The following KDM5B variants were observed in gnomAD, a reference collection of about 807,000 sequenced individuals.
The protein encoded by KDM5B is lysine demethylase 5B.
KDM5B carries 144 observed loss-of-function variants against 193.4 expected under a neutral mutation model. The observed-to-expected ratio is 0.74, with a 90% CI of 0.65 to 0.86. The LOEUF (loss-of-function observed/expected upper bound fraction) is 0.86, where lower values mean the gene tolerates loss of function less well. Among genes scored for constraint, KDM5B ranks in the 40% least tolerant of loss-of-function variants. KDM5B has a pLI of 0.00. For synonymous variants in KDM5B, 668 were observed against 682.6 expected, an observed-to-expected ratio of 0.98 and a Z score of 0.33; for missense variants, 1,833 against 1,886.9, an observed-to-expected ratio of 0.97 and a Z score of 0.53.
At chr1:202,748,647 T>C (rs1366536584) in intron 14 of KDM5B, among the ~76,000 whole-genome samples, 2 of 152,146 alleles carry the variant, frequency 1.3e-5, no homozygotes, top group African/African-American at 4.8e-5. Context: ...GTTGGGTGGA[T>C]AGCTTGAACC....
In KDM5B at chr1:202,808,309, C is replaced by G. The variant is rs370701042; in HGVS notation, c.-4G>C. 2 of 1,587,662 alleles carry G rather than the reference C, an allele frequency of 1.3e-6. No homozygotes were observed. Among genetic ancestry groups the G allele is most frequent in the South Asian group, 2.2e-5 (2 of 89,056 alleles). On this transcript the variant is annotated 5_prime_UTR_variant, in exon 1 of 27. Coordinates refer to ENST00000367265, the MANE Select transcript of KDM5B (RefSeq NM_006618.5). ...GCAGTGTGGTGGCCGCCTCCATCAC[C>G]GCAGGCTGGGCAAGGGCGAGGCGAA...
chr1:202,763,560 A>G (rs553867650), intron 6 of KDM5B, among the ~76,000 whole-genome samples: 3 of 152,280 alleles, frequency 2.0e-5, no homozygotes, highest in African/African-American at 7.2e-5. Flanking sequence ...TGTGCCTCCT[A>G]TATAGGATAT....
In KDM5B at chr1:202,745,961, A is replaced by G. The variant is rs1001643108; in HGVS notation, c.2220T>C (p.Asp740=). ...YKLRYRYTLD[D]LYPMMNALKL... ...TCAATGCATTCATCATAGGGTAGAG[A>G]TCATCCAGCGTGTACCTATACCTGG... The change falls in exon 16 of 27, where the codon GAT becomes GAC. Residue 740 remains aspartate (D), a synonymous_variant. Transcript: ENST00000367265. The G allele has an allele frequency of 1.9e-6, 3 of 1,613,804 alleles. No individual in the cohort carries two copies. Among genetic ancestry groups the G allele is most frequent in the African/African-American group, 2.7e-5 (2 of 74,930 alleles).
chr1:202,784,444 C>T (rs895331909), intron 1 of KDM5B, among the ~76,000 whole-genome samples: 2 of 152,096 alleles, frequency 1.3e-5, no homozygotes, highest in Non-Finnish European at 2.9e-5. Flanking sequence ...AATGCACTTG[C>T]AAGTTAGCAA....
In KDM5B at chr1:202,733,625, A is replaced by C. The variant is rs1278571726; in HGVS notation, c.3685T>G (p.Leu1229Val). The change falls in exon 23 of 27, where the codon TTA becomes GTA. Residue 1229 changes from leucine to valine, a missense_variant. This residue lies in a region of KDM5B where 1,379 missense variants were observed against 1,349.6 expected (regional missense o/e 1.02). Transcript: ENST00000367265. ...PHCRRSEKPP[L>V]EKILPLLASL... is the part of the protein sequence containing the mutation. Reference sequence around the variant, plus strand: ...GCGAGCAGGGGCAGAATTTTCTCTAATGGAGGTTTCTCTGACCTCCGACAA... The same window carrying C: ...GCGAGCAGGGGCAGAATTTTCTCTACTGGAGGTTTCTCTGACCTCCGACAA... 6.2e-7 allele frequency: 1 copy of C among 1,614,016 alleles called. No individual in the cohort carries two copies. The highest frequency in any genetic ancestry group is 8.5e-7 in the Non-Finnish European group (1 of 1,180,028).
chr1:202,745,204 C>A (rs1238886132), intron 16 of KDM5B, among the ~76,000 whole-genome samples: 1 of 151,972 alleles, frequency 6.6e-6, no homozygotes, highest in Non-Finnish European at 1.5e-5. Flanking sequence ...GGGAGAGGCT[C>A]CAGAAAAATA....
chr1:202,755,091 G>T (rs1655954652), intron 11 of KDM5B, among the ~76,000 whole-genome samples, 180 bp downstream of exon 11: 1 of 152,164 alleles, frequency 6.6e-6, no homozygotes, highest in African/African-American at 2.4e-5. Context: ...GGATGCTCTA[G>T]GAATCTTAAG....
At position 202,733,655 on chromosome 1, in the gene KDM5B, G is replaced by A. The variant is rs749978651; in HGVS notation, c.3655C>T (p.Pro1219Ser). 5 of 1,614,140 alleles carry A rather than the reference G, an allele frequency of 3.1e-6. No individual in the cohort carries two copies. The highest frequency in any genetic ancestry group is 4.2e-6 in the Non-Finnish European group (5 of 1,180,006). The change falls in exon 23 of 27, where the codon CCC becomes TCC. Residue 1219 changes from proline (P) to serine (S), a missense_variant. Physicochemically the swap from Pro to Ser is moderately conservative, Grantham distance 74. Transcript: ENST00000367265. ...ISQGLRIWLCPHCRRSEKPPL... is the reference protein window; with the variant it reads ...ISQGLRIWLCSHCRRSEKPPL... Reference sequence around the variant, plus strand: ...GGTTTCTCTGACCTCCGACAATGGGGACAAAGCCAGATTCGCAGGCCCTGT... The same window carrying A: ...GGTTTCTCTGACCTCCGACAATGGGAACAAAGCCAGATTCGCAGGCCCTGT...
chr1:202,794,351 AT>A (rs1657753845), intron 1 of KDM5B, among the ~76,000 whole-genome samples: 1 of 152,228 alleles, frequency 6.6e-6, no homozygotes, highest in South Asian at 2.1e-4. Context: ...TAGTATTAAA[AT>A]GTTTCAGTAT....
chr1:202,769,047 T>C (rs1656597181), intron 4 of KDM5B, among the ~76,000 whole-genome samples: 1 of 148,408 alleles, frequency 6.7e-6, no homozygotes, highest in African/African-American at 2.5e-5. Context: ...TTTCTTTTTT[T>C]TTTTTTTGAG....
chr1:202,741,689 G>T lies in KDM5B; in HGVS notation c.2623C>A (p.His875Asn). Residue 875 changes from histidine to asparagine, a missense_variant, in exon 19 of 27, where the codon CAT becomes AAT. Coordinates refer to ENST00000367265, the MANE Select transcript of KDM5B (RefSeq NM_006618.5). ...TCCTCAGAGAGTAGTTTCTGACTAT[G>T]CTGTTGAAAATCTTCTACACGATTC... ...LLNRVEDFQQ[H>N]SQKLLSEETP... 6.2e-7 allele frequency: 1 copy of T among 1,612,068 alleles called. No homozygotes were observed.
chr1:202,752,866 A>G (rs1655847011), intron 12 of KDM5B, 39 bp downstream of exon 12: 1 of 1,570,456 alleles, frequency 6.4e-7, no homozygotes, highest in Non-Finnish European at 8.7e-7. Flanking sequence ...GAAGTGGTGA[A>G]TTAAGCTTGA....
At chr1:202,737,750 A>G (rs1655149021) in intron 20 of KDM5B, among the ~76,000 whole-genome samples, 1 of 152,238 alleles carries the variant, frequency 6.6e-6, no homozygotes. Context: ...CTAGTCAGTG[A>G]CATGAGAAAA....
intron 17 of KDM5B, 44 bp from the exon 18 acceptor site, chr1:202,742,549 A>G (rs1457794436): frequency 4.4e-6 from 7 of 1,598,394 alleles, no homozygotes; most frequent in Admixed American, 1.7e-5. Context: ...GAATACATAC[A>G]TGTCCACCAC....
intron 1 of KDM5B, among the ~76,000 whole-genome samples, chr1:202,795,789 CTT>C (rs529673570): frequency 2.7e-5 from 4 of 146,198 alleles, no homozygotes; most frequent in African/African-American, 1.0e-4. Flanking sequence ...TCCTAATTAA[CTT>C]TTTTTTTTTA....
intron 1 of KDM5B, among the ~76,000 whole-genome samples, chr1:202,778,364 TACA>T (rs1319139719): frequency 3.3e-5 from 5 of 152,048 alleles, no homozygotes; most frequent in Non-Finnish European, 2.9e-5. Context: ...AATGAATGTC[TACA>T]ACAAGAGAAC....
chr1:202,790,937 C>T (rs138487433), intron 1 of KDM5B, among the ~76,000 whole-genome samples: 1 of 152,078 alleles, frequency 6.6e-6, no homozygotes, highest in African/African-American at 2.4e-5. Context: ...TATAAATTAC[C>T]CAGTCTCAGA....
At chr1:202,756,555 A>C (rs756415145) in intron 9 of KDM5B, 39 bp from the exon 10 acceptor site, 1 of 1,517,258 alleles carries the variant, frequency 6.6e-7, no homozygotes, top group African/African-American at 1.4e-5. Flanking sequence ...GTTTCCTCAC[A>C]AACTGTCTGT....
At chr1:202,784,357 C>A (rs1243061662) in intron 1 of KDM5B, among the ~76,000 whole-genome samples, 2 of 152,056 alleles carry the variant, frequency 1.3e-5, no homozygotes, top group African/African-American at 4.8e-5. Flanking sequence ...TGTTAGTTTA[C>A]CAAGAATAAC....
Sources: allele counts gnomAD v4.1 joint callset (sites outside exome capture counted in the v4.1 genomes callset), GRCh38; gene constraint gnomAD v4.1.1; regional missense constraint gnomAD v4.1.1; transcripts MANE v1.5; gene names NCBI Gene and HGNC (gene_info 2026-07-23, HGNC 2026-07-21).